Variants in USP48 observed in about 807,000 individuals in gnomAD.
USP48 encodes the protein ubiquitin specific peptidase 48.
USP48 carries 43 observed loss-of-function variants against 150.7 expected under a neutral mutation model. The ratio of observed to expected loss-of-function variants is 0.29; its 90% CI spans 0.22 to 0.37. USP48 has a LOEUF of 0.37. USP48 is among the 10% of genes least tolerant of loss of function. The pLI is 1.00. For missense variants in USP48, 813 were observed against 1,249.6 expected (o/e 0.65, Z 5.27); for synonymous variants, 396 against 425.9 (o/e 0.93, Z 0.86).
At chr1:21,733,877 G>C (rs980868232) in intron 9 of USP48, among the ~76,000 whole-genome samples, 1 of 151,186 alleles carries the variant, frequency 6.6e-6, no homozygotes, top group Admixed American at 6.6e-5. Flanking sequence ...CTGAAGCCTT[G>C]ATCTCCTGGG....
intron 1 of USP48, among the ~76,000 whole-genome samples, chr1:21,763,086 C>T (rs1353411457): frequency 6.6e-6 from 1 of 152,096 alleles, no homozygotes; most frequent in Non-Finnish European, 1.5e-5. Flanking sequence ...CTAAAGCTGG[C>T]ATCAAAAGGC....
chr1:21,758,606 C>A (rs113134752), intron 1 of USP48, among the ~76,000 whole-genome samples: 1 of 151,702 alleles, frequency 6.6e-6, no homozygotes, highest in Non-Finnish European at 1.5e-5. Context: ...AAAAATTAGC[C>A]GGGCGTGGCG....
At chr1:21,765,677 A>G (rs941815265) in intron 1 of USP48, among the ~76,000 whole-genome samples, 1 of 151,844 alleles carries the variant, frequency 6.6e-6, no homozygotes, top group African/African-American at 2.4e-5. Context: ...GAAGCTAAAC[A>G]AGGTGTGAGA....
intron 11 of USP48, 109 bp downstream of exon 11, chr1:21,728,461 T>A: frequency 6.6e-7 from 1 of 1,504,294 alleles, no homozygotes; most frequent in Non-Finnish European, 8.8e-7. Flanking sequence ...CTGGCTTTAG[T>A]GGGTTATTAG....
chr1:21,701,366 A>T, intron 22 of USP48, 132 bp downstream of exon 22: 1 of 123,746 alleles, frequency 8.1e-6, no homozygotes, highest in Non-Finnish European at 1.6e-5. Context: ...ACTCCATCTC[A>T]AAAAAAAAAA....
Position 21,702,343 on chromosome 1 carries a change from T to C in USP48, c.2623-741A>G, listed in dbSNP as rs546364422. ...TAATCCCAGAAAGCATGGAATTAAATAAATTAATAAGATATCTAGAGATAT... is the reference window on the plus strand; with the variant it reads ...TAATCCCAGAAAGCATGGAATTAAACAAATTAATAAGATATCTAGAGATAT... On this transcript the variant is annotated intron_variant, in intron 21 of 26. Coordinates refer to ENST00000308271, the MANE Select transcript of USP48 (RefSeq NM_032236.8). Among the ~76,000 whole-genome samples the C allele has an allele frequency of 4.6e-5, 7 of 152,118 alleles. No individual in the cohort carries two copies. The South Asian group carries it at 1.5e-3, about 32-fold the overall frequency.
intron 15 of USP48, among the ~76,000 whole-genome samples, chr1:21,711,107 A>T (rs535867437): frequency 6.6e-6 from 1 of 151,942 alleles, no homozygotes; most frequent in Non-Finnish European, 1.5e-5. Context: ...TATATATATA[A>T]AAGACATACA....
rs1571785106 is a variant in USP48 at position 21,706,252 on chromosome 1, T to C, written c.2212-65A>G. On this transcript the variant is annotated intron_variant, in intron 17 of 26. Coordinates refer to ENST00000308271, the MANE Select transcript of USP48 (RefSeq NM_032236.8). Reference sequence around the variant, plus strand: ...CCGCCTGCTTAACACAAATTCCTTATAATATACTTTGGTTGTCCTTATTCA... The same window carrying C: ...CCGCCTGCTTAACACAAATTCCTTACAATATACTTTGGTTGTCCTTATTCA... The C allele has an allele frequency of 7.0e-6, 11 of 1,569,058 alleles. No individual in the cohort carries two copies. In the East Asian group the frequency reaches 1.8e-4, roughly 26 times the overall value.
At chr1:21,698,881 C>T (rs1211198677) in intron 22 of USP48, among the ~76,000 whole-genome samples, 3 of 151,852 alleles carry the variant, frequency 2.0e-5, no homozygotes, top group Non-Finnish European at 4.4e-5. Flanking sequence ...GACGACAGAG[C>T]AATACTTGGT....
At chr1:21,679,861 T>C (rs2097560830) in intron 26 of USP48, among the ~76,000 whole-genome samples, 2 of 152,176 alleles carry the variant, frequency 1.3e-5, no homozygotes, top group Non-Finnish European at 2.9e-5. Context: ...GCCCGGCTAA[T>C]TTTTGTATTT....
chr1:21,729,675 C>G (rs201650584), intron 10 of USP48, 29 bp downstream of exon 10: 21 of 1,604,630 alleles, frequency 1.3e-5, no homozygotes, highest in Non-Finnish European at 1.8e-5. Context: ...AAAACATTTG[C>G]CTGCTATAAT....
intron 1 of USP48, among the ~76,000 whole-genome samples, chr1:21,779,628 A>G (rs1386600825): frequency 6.6e-6 from 1 of 152,194 alleles, no homozygotes; most frequent in African/African-American, 2.4e-5. Flanking sequence ...TAACCAAGAG[A>G]AATAAAAATA....
At chr1:21,778,109 C>T (rs561941414) in intron 1 of USP48, among the ~76,000 whole-genome samples, 43 of 151,350 alleles carry the variant, frequency 2.8e-4, no homozygotes, top group African/African-American at 1.0e-3. Context: ...CATCACTGCA[C>T]TCCAGCCTGG....
intron 1 of USP48, among the ~76,000 whole-genome samples, chr1:21,759,864 T>C (rs138777878): frequency 2.0e-5 from 3 of 152,326 alleles, no homozygotes; most frequent in Middle Eastern, 3.4e-3. Context: ...GCAAGGATCA[T>C]CACGGATGCT....
chr1:21,688,221 T>C (rs1312473716), intron 24 of USP48, among the ~76,000 whole-genome samples: 2 of 151,982 alleles, frequency 1.3e-5, no homozygotes, highest in African/African-American at 4.8e-5. Flanking sequence ...TCAATGACTT[T>C]TCTTTCTTTC....
intron 1 of USP48, among the ~76,000 whole-genome samples, chr1:21,759,634 G>T (rs1049276780): frequency 2.6e-5 from 4 of 152,150 alleles, no homozygotes; most frequent in African/African-American, 9.7e-5. Flanking sequence ...AGAGTTGGCT[G>T]GAAGGGGAGG....
chr1:21,757,080 T>A, intron 2 of USP48: 1 of 836,040 alleles, frequency 1.2e-6, no homozygotes. Flanking sequence ...GTAAAACTTA[T>A]GCAGAAAACT....
chr1:21,706,002 G>T, intron 18 of USP48, 124 bp downstream of exon 18: 1 of 1,155,986 alleles, frequency 8.7e-7, no homozygotes, highest in Non-Finnish European at 1.2e-6. Context: ...AAAGCTTTCA[G>T]TGTATGCTGG....
At chr1:21,698,406 C>T (rs1380405762) in intron 22 of USP48, among the ~76,000 whole-genome samples, 1 of 152,170 alleles carries the variant, frequency 6.6e-6, no homozygotes, top group Non-Finnish European at 1.5e-5. Flanking sequence ...AACGTGAAAT[C>T]TGTTGTCATC....
Sources: allele counts gnomAD v4.1 joint callset (sites outside exome capture counted in the v4.1 genomes callset), GRCh38; gene constraint gnomAD v4.1.1; transcripts MANE v1.5; gene names NCBI Gene and HGNC (gene_info 2026-07-23, HGNC 2026-07-21).